STPG1: variants seen among roughly 807,000 people sequenced by gnomAD.
STPG1 encodes sperm tail PG-rich repeat containing 1, also known as O(6)-methylguanine-induced apoptosis 2.
A neutral mutation model predicts 40.1 loss-of-function variants in STPG1; 33 were observed. The observed-to-expected ratio is 0.82, with a 90% CI of 0.62 to 1.10. STPG1 has a LOEUF of 1.10. Among genes scored for constraint, STPG1 ranks in the 50% least tolerant of loss-of-function variants. STPG1 has a pLI of 0.00. For synonymous variants in STPG1, 150 were observed against 155.0 expected (o/e 0.97, Z 0.24); for missense variants, 396 against 415.1 (o/e 0.95, Z 0.40).
At chr1:24,412,792 C>A (rs1376544666) in intron 1 of STPG1, among the ~76,000 whole-genome samples, 1 of 152,138 alleles carries the variant, frequency 6.6e-6, no homozygotes, top group African/African-American at 2.4e-5. Context: ...AGGTAGACAC[C>A]TTTTAGCAAT....
intron 3 of STPG1, among the ~76,000 whole-genome samples, chr1:24,387,343 G>T (rs497071): frequency 0.36 from 54,478 of 151,956 alleles, 9,920 homozygotes; most frequent in African/African-American, 0.4. Flanking sequence ...TGAGTTGGGG[G>T]CATTTGATCC....
chr1:24,407,666 G>A (rs1441912148), intron 1 of STPG1, among the ~76,000 whole-genome samples: 2 of 152,044 alleles, frequency 1.3e-5, no homozygotes, highest in Admixed American at 1.3e-4. Flanking sequence ...TTGAACTCTT[G>A]ACCTTGTGAT....
At chr1:24,397,890 A>T (rs1430651532) in intron 2 of STPG1, among the ~76,000 whole-genome samples, 1 of 152,180 alleles carries the variant, frequency 6.6e-6, no homozygotes, top group East Asian at 1.9e-4. Context: ...ATTACAAATA[A>T]AACTGCTATG....
intron 5 of STPG1, among the ~76,000 whole-genome samples, chr1:24,375,876 T>C (rs981829801): frequency 3.9e-5 from 6 of 152,212 alleles, no homozygotes; most frequent in Admixed American, 3.9e-4. Context: ...AGGAAAATAT[T>C]CAGCAGGTTA....
At chr1:24,373,907 C>G in intron 5 of STPG1, 97 bp from the exon 6 acceptor site, 1 of 863,722 alleles carries the variant, frequency 1.2e-6, no homozygotes, top group South Asian at 1.5e-5. Context: ...TAAAAAAAAT[C>G]AAACCGAAAC....
chr1:24,358,533 T>C lies in STPG1; in HGVS notation c.*10A>G. 6.2e-7 allele frequency: 1 copy of C among 1,610,494 alleles called. No individual in the cohort carries two copies. The highest frequency in any genetic ancestry group is 1.3e-5 in the African/African-American group (1 of 74,994). On this transcript the variant is annotated 3_prime_UTR_variant, in exon 9 of 9. Transcript: ENST00000337248. ...GTGGCTGGAGTTCTCCTTGACCTTG[T>C]GTGACATCCCTACAGAACCGGGATC...
intron 2 of STPG1, among the ~76,000 whole-genome samples, chr1:24,397,002 A>AT (rs1643033121): frequency 6.6e-6 from 1 of 152,214 alleles, no homozygotes; most frequent in Admixed American, 6.5e-5. Flanking sequence ...AAGATTTACT[A>AT]TGCTAACACT....
chr1:24,399,928 G>T lies in STPG1; in HGVS notation c.70+1391C>A, dbSNP rs1643154068. 6.6e-6 allele frequency among the ~76,000 whole-genome samples: 1 copy of T among 152,146 alleles called. No individual in the cohort carries two copies. The highest frequency in any genetic ancestry group is 2.4e-5 in the African/African-American group (1 of 41,434). On this transcript the variant is annotated intron_variant, in intron 2 of 8. Transcript: ENST00000337248. This position sits in a 1 kb window ranked among gnomAD's most constrained non-coding sequence, Gnocchi z 4.0. Reference sequence around the variant, plus strand: ...AATTCACATACATTGCTTGTAAGGAGGTAAAATTGGCACAGCTACTTTGGA... The same window carrying T: ...AATTCACATACATTGCTTGTAAGGATGTAAAATTGGCACAGCTACTTTGGA...
chr1:24,397,786 C>T (rs1371186627), intron 2 of STPG1, among the ~76,000 whole-genome samples: 9 of 151,966 alleles, frequency 5.9e-5, no homozygotes, highest in Non-Finnish European at 1.3e-4. Context: ...ATCAATACTC[C>T]ATTGCTTTTT....
rs145763866 is a variant in STPG1 at position 24,385,057 on chromosome 1, C to T, written c.190-1054G>A. 5.7e-4 allele frequency among the ~76,000 whole-genome samples: 87 copies of T among 152,250 alleles called. No homozygotes were observed. The East Asian group carries it at 0.016, about 27-fold the overall frequency. ...ACCCCAGAGCTGAACCGAGACAGCC[C>T]GACTCCAGAGCTTGCTGTCTCCAAT... On this transcript the variant is annotated intron_variant, in intron 3 of 8. Transcript: ENST00000337248.
chr1:24,402,937 A>G (rs1170899890), intron 1 of STPG1, among the ~76,000 whole-genome samples: 1 of 152,168 alleles, frequency 6.6e-6, no homozygotes, highest in Admixed American at 6.5e-5. Context: ...TATCTTATGA[A>G]TGCAAATTTT....
chr1:24,392,472 T>G (rs932139132), intron 2 of STPG1, among the ~76,000 whole-genome samples: 1 of 152,166 alleles, frequency 6.6e-6, no homozygotes, highest in Non-Finnish European at 1.5e-5. Context: ...GCCCTACCAC[T>G]GGGCAAGCGG....
At chr1:24,391,903 A>G in intron 2 of STPG1, 1 of 1,287,788 alleles carries the variant, frequency 7.8e-7, no homozygotes, top group Non-Finnish European at 9.8e-7. Flanking sequence ...TAAATTAGTG[A>G]GATGTGGTCA....
chr1:24,358,223 C>G lies in STPG1; in HGVS notation c.*320G>C. On this transcript the variant is annotated 3_prime_UTR_variant, in exon 9 of 9. Transcript: ENST00000337248. ...TCTGCGCTTCAGGAGTCCCTTCAGT[C>G]TGCGGCAGGGAGTCGTGCCGGAAGG... 1.7e-6 allele frequency: 1 copy of G among 574,420 alleles called. No individual in the cohort carries two copies. The highest frequency in any genetic ancestry group is 1.5e-5 in the South Asian group (1 of 65,630). 35.6% of individuals were successfully genotyped at this position (574,420 alleles called of 1,614,324 possible).
At chr1:24,377,015 C>A (rs1301597966) in intron 5 of STPG1, among the ~76,000 whole-genome samples, 1 of 151,848 alleles carries the variant, frequency 6.6e-6, no homozygotes, top group Non-Finnish European at 1.5e-5. Context: ...AATCCCAGCA[C>A]TTTGGGAGGC....
At position 24,360,907 on chromosome 1, in the gene STPG1, A is replaced by T. The variant is rs575719376; in HGVS notation, c.872T>A (p.Val291Glu). 6.2e-7 allele frequency: 1 copy of T among 1,613,956 alleles called. No homozygotes were observed. Among genetic ancestry groups the T allele is most frequent in the African/African-American group, 1.3e-5 (1 of 75,066 alleles). Residue 291 changes from valine to glutamate, a missense_variant, in exon 8 of 9, where the codon GTG becomes GAG. Physicochemically the swap from Val to Glu is moderately radical, Grantham distance 121 (BLOSUM62 -2). Transcript: ENST00000337248. ...CGCTGTCCACCGGCTGGTATTGGAC[A>T]CGAATGATGCACTAGAGATGAAATG... ...RKHFISSASF[V>E]SNTSRWTAAP...
At chr1:24,379,116 G>T (rs1411949249) in intron 5 of STPG1, among the ~76,000 whole-genome samples, 4 of 152,192 alleles carry the variant, frequency 2.6e-5, no homozygotes, top group South Asian at 2.1e-4. Flanking sequence ...CTTGCCGAAG[G>T]CCGCACAGTT....
At chr1:24,402,863 T>G (rs1271290423) in intron 1 of STPG1, among the ~76,000 whole-genome samples, 1 of 152,214 alleles carries the variant, frequency 6.6e-6, no homozygotes, top group African/African-American at 2.4e-5. Context: ...ACAAGCCTTT[T>G]ATCATATATG....
Position 24,391,553 on chromosome 1 carries a change from G to A in STPG1, c.189+8C>T. On this transcript the variant is annotated splice_region_variant and intron_variant, in intron 3 of 8. Coordinates refer to ENST00000337248, the MANE Select transcript of STPG1 (RefSeq NM_001199013.2). ...AAAACGAAAGAACCCCTGAGACAAC[G>A]TCATTACCTTCTTATGAGGAAATCT... 1 of 1,484,070 alleles carries A rather than the reference G, an allele frequency of 6.7e-7. No homozygotes were observed. Among genetic ancestry groups the A allele is most frequent in the Non-Finnish European group, 9.2e-7 (1 of 1,087,414 alleles). 91.9% of individuals were successfully genotyped at this position (1,484,070 alleles called of 1,614,324 possible). A position where few individuals can be genotyped will look rare whatever the true frequency, so the allele number is the denominator to read the frequency against.
Sources: gnomAD v4.1 joint callset for allele counts (sites outside exome capture counted in the v4.1 genomes callset) on GRCh38, gnomAD v4.1.1 for gene constraint, Gnocchi (gnomAD v3.1) non-coding constraint, MANE v1.5 for transcripts, NCBI Gene and HGNC (gene_info 2026-07-23, HGNC 2026-07-21) for gene names.